The following LINGO2 variants were observed in gnomAD, a reference collection of about 807,000 sequenced individuals.
LINGO2 encodes the protein leucine rich repeat and Ig domain containing 2.
Under a neutral mutation model 30.6 loss-of-function variants are expected in LINGO2, and 14 were observed. The observed-to-expected ratio is 0.46, with a 90% confidence interval of 0.30 to 0.72. The LOEUF is 0.72. LINGO2 is among the 30% of genes least tolerant of loss of function. LINGO2 has a pLI of 0.07. For missense variants in LINGO2, 729 were observed against 751.7 expected, an observed-to-expected ratio of 0.97 and a Z score of 0.35; for synonymous variants, 317 against 288.5, an observed-to-expected ratio of 1.10 and a Z score of -1.00.
the LINGO2 span, among the ~76,000 whole-genome samples, chr9:28,681,679 ATC>A: frequency 6.6e-6 from 1 of 152,106 alleles, no homozygotes; most frequent in Non-Finnish European, 1.5e-5. Context: ...CTAGTCTCAT[ATC>A]TCTGCAGATG....
the LINGO2 span, among the ~76,000 whole-genome samples, chr9:28,726,636 A>G: frequency 6.6e-6 from 1 of 152,236 alleles, no homozygotes; most frequent in African/African-American, 2.4e-5. Flanking sequence ...TAACAGGTCT[A>G]TAGCAAATAA....
At chr9:28,627,394 T>C (rs1260403229) in intron 1 of LINGO2, among the ~76,000 whole-genome samples, 1 of 151,996 alleles carries the variant, frequency 6.6e-6, no homozygotes, top group African/African-American at 2.4e-5. Flanking sequence ...CCTATGTAGA[T>C]TTTGGGAGTT....
In LINGO2 at chr9:28,646,756, A is replaced by G. The variant is rs115889897; in HGVS notation, c.-365+23444T>C. Among the ~76,000 whole-genome samples the G allele has an allele frequency of 6.3e-3, 962 of 152,224 alleles. 13 individuals are homozygous for G. Among genetic ancestry groups the G allele is most frequent in the African/African-American group, 0.022 (926 of 41,554 alleles). Reference sequence around the variant, plus strand: ...TTATTCCACAATTATTATAACATCAAAGTAGCTTCCTCATGAACAATGTAG... The same window carrying G: ...TTATTCCACAATTATTATAACATCAGAGTAGCTTCCTCATGAACAATGTAG... On this transcript the variant is annotated intron_variant, in intron 1 of 5. Transcript: ENST00000379992.
chr9:28,205,990 C>G (rs532700605), intron 4 of LINGO2, among the ~76,000 whole-genome samples: 1 of 151,816 alleles, frequency 6.6e-6, no homozygotes, highest in East Asian at 1.9e-4. Context: ...TATGGAAAAA[C>G]CCTGTCTCTA....
intron 4 of LINGO2, among the ~76,000 whole-genome samples, chr9:28,229,699 G>C (rs978209958): frequency 6.6e-6 from 1 of 151,742 alleles, no homozygotes; most frequent in Non-Finnish European, 1.5e-5. Context: ...GAAATATATA[G>C]TTAGCAGGAA....
At chr9:28,927,878 T>C in the LINGO2 span, among the ~76,000 whole-genome samples, 1 of 152,332 alleles carries the variant, frequency 6.6e-6, no homozygotes, top group East Asian at 1.9e-4. Flanking sequence ...TAAGGCCACA[T>C]AGCTCATAAG....
chr9:28,930,759 C>T, the LINGO2 span, among the ~76,000 whole-genome samples: 1 of 152,066 alleles, frequency 6.6e-6, no homozygotes, highest in Non-Finnish European at 1.5e-5. The surrounding 1 kb of genome is among the most constrained non-coding windows in gnomAD (Gnocchi z 4.2). Flanking sequence ...TGTGGTCAAC[C>T]AATGGCAAAT....
intron 1 of LINGO2, among the ~76,000 whole-genome samples, chr9:28,530,867 T>C (rs1340988630): frequency 1.3e-5 from 2 of 151,872 alleles, no homozygotes. Context: ...AAACATCTTT[T>C]TCTGCACCTA....
intron 1 of LINGO2, among the ~76,000 whole-genome samples, chr9:28,589,512 C>G (rs906652077): frequency 6.6e-6 from 1 of 152,014 alleles, no homozygotes. Context: ...CAATAACAGA[C>G]AAACAGAGAG....
intron 3 of LINGO2, among the ~76,000 whole-genome samples, chr9:28,321,058 A>ATT (rs147262109): frequency 6.6e-6 from 1 of 151,790 alleles, no homozygotes; most frequent in Admixed American, 6.6e-5. Context: ...ATTTTTGTTA[A>ATT]TTTTTTTTAA....
intron 2 of LINGO2, among the ~76,000 whole-genome samples, chr9:28,425,841 A>G (rs1823388172): frequency 6.6e-6 from 1 of 152,084 alleles, no homozygotes; most frequent in Non-Finnish European, 1.5e-5. Flanking sequence ...GAACTCTCTC[A>G]AAGAGAAATT....
At chr9:28,483,685 T>C (rs994769817) in intron 1 of LINGO2, among the ~76,000 whole-genome samples, 2 of 152,056 alleles carry the variant, frequency 1.3e-5, no homozygotes, top group South Asian at 4.1e-4. Context: ...ATATATGTTG[T>C]CTCACTGTGG....
the LINGO2 span, among the ~76,000 whole-genome samples, chr9:29,059,104 TA>T: frequency 6.6e-6 from 1 of 151,868 alleles, no homozygotes; most frequent in Non-Finnish European, 1.5e-5. Context: ...ATTTATATGC[TA>T]AAGACTACAA....
chr9:28,693,232 T>A, the LINGO2 span, among the ~76,000 whole-genome samples: 1 of 152,128 alleles, frequency 6.6e-6, no homozygotes, highest in African/African-American at 2.4e-5. Context: ...TTTAAACATA[T>A]TGAGACATTT....
intron 1 of LINGO2, among the ~76,000 whole-genome samples, chr9:28,602,636 A>G (rs1825536694): frequency 6.6e-6 from 1 of 152,096 alleles, no homozygotes; most frequent in South Asian, 2.1e-4. Context: ...CATACTTATA[A>G]ATGCTTTAGT....
At chr9:28,462,410 T>C (rs954639175) in intron 2 of LINGO2, among the ~76,000 whole-genome samples, 5 of 121,936 alleles carry the variant, frequency 4.1e-5, no homozygotes, top group African/African-American at 1.2e-4. Flanking sequence ...CATCATGCTC[T>C]AGCTAAAAAA....
At chr9:29,213,490 C>T in the LINGO2 span, among the ~76,000 whole-genome samples, 1 of 152,060 alleles carries the variant, frequency 6.6e-6, no homozygotes, top group African/African-American at 2.4e-5. Flanking sequence ...GGGCGGGCGG[C>T]GGGCGGCGGC....
intron 1 of LINGO2, among the ~76,000 whole-genome samples, chr9:28,521,856 A>G (rs1265852819): frequency 6.6e-6 from 1 of 152,146 alleles, no homozygotes; most frequent in South Asian, 2.1e-4. Context: ...CACACAGAGT[A>G]AAAACAGCCA....
At chr9:28,302,473 G>T (rs780760328) in intron 3 of LINGO2, among the ~76,000 whole-genome samples, 1 of 152,184 alleles carries the variant, frequency 6.6e-6, no homozygotes, top group African/African-American at 2.4e-5. Flanking sequence ...GAGCTCAGGA[G>T]TTCGAGATCA....
Sources: allele counts gnomAD v4.1 joint callset (sites outside exome capture counted in the v4.1 genomes callset), GRCh38; gene constraint gnomAD v4.1.1; non-coding constraint Gnocchi (gnomAD v3.1); transcripts MANE v1.5; gene names NCBI Gene and HGNC (gene_info 2026-07-23, HGNC 2026-07-21).